ZCCHC7: variants seen among roughly 807,000 people sequenced by gnomAD.
The protein encoded by ZCCHC7 is zinc finger CCHC-type containing 7.
In ZCCHC7, 35 loss-of-function variants were observed where a neutral mutation model predicts 52.0. The observed-to-expected ratio is 0.67, with a 90% confidence interval of 0.51 to 0.89. ZCCHC7 has a LOEUF of 0.89. ZCCHC7 is among the 40% of genes least tolerant of loss of function. The pLI is 0.00. For synonymous variants in ZCCHC7, 217 were observed against 221.5 expected (o/e 0.98, Z 0.18); for missense variants, 574 against 649.1 (o/e 0.88, Z 1.26).
At chr9:37,174,518 T>C (rs1821911326) in intron 2 of ZCCHC7, among the ~76,000 whole-genome samples, 1 of 152,180 alleles carries the variant, frequency 6.6e-6, no homozygotes, top group African/African-American at 2.4e-5. Context: ...TTTCATTAAG[T>C]AGAAAAGCAG....
chr9:37,181,227 A>G (rs1281068785), intron 2 of ZCCHC7, among the ~76,000 whole-genome samples: 1 of 150,848 alleles, frequency 6.6e-6, no homozygotes, highest in Non-Finnish European at 1.5e-5. Flanking sequence ...GGTAGATGAG[A>G]TTTTTTTTTC....
In ZCCHC7 at chr9:37,168,342, A is replaced by G. The variant is rs550972101; in HGVS notation, c.610+41400A>G. Among the ~76,000 whole-genome samples the G allele has an allele frequency of 1.2e-4, 19 of 152,250 alleles. 1 individual carries two copies. The South Asian group carries it at 3.3e-3, about 27-fold the overall frequency. ...TCCCTGTTAATTTATCTGAGTTGGA[A>G]GTGGAAGTCTGCTACTCACTCTTGA... On this transcript the variant is annotated intron_variant, in intron 2 of 8. Transcript: ENST00000336755.
intron 5 of ZCCHC7, among the ~76,000 whole-genome samples, chr9:37,309,573 T>C (rs1023507330): frequency 6.6e-6 from 1 of 152,216 alleles, no homozygotes; most frequent in Non-Finnish European, 1.5e-5. Flanking sequence ...TCCCACCTAC[T>C]GGACTTTCTG....
intron 2 of ZCCHC7, among the ~76,000 whole-genome samples, chr9:37,130,741 C>T (rs1284915325): frequency 1.3e-5 from 2 of 151,712 alleles, no homozygotes; most frequent in Non-Finnish European, 2.9e-5. Flanking sequence ...CGTGATCCGC[C>T]TGCCTCGGCC....
chr9:37,262,416 T>C (rs1299815321), intron 2 of ZCCHC7, among the ~76,000 whole-genome samples: 2 of 152,212 alleles, frequency 1.3e-5, no homozygotes, highest in Non-Finnish European at 2.9e-5. Context: ...ATCAATAATT[T>C]TTCTTACTAG....
At chr9:37,174,970 C>A (rs1471385173) in intron 2 of ZCCHC7, among the ~76,000 whole-genome samples, 1 of 152,004 alleles carries the variant, frequency 6.6e-6, no homozygotes, top group African/African-American at 2.4e-5. Context: ...AACCCTGTCT[C>A]TACTAAAAAT....
chr9:37,136,766 C>T (rs1225482435), intron 2 of ZCCHC7, among the ~76,000 whole-genome samples: 5 of 152,034 alleles, frequency 3.3e-5, no homozygotes, highest in East Asian at 1.9e-4. Context: ...TGTGAGTCAC[C>T]GCCCTGGCCC....
rs869266535 is a variant in ZCCHC7, at chr9:37,352,511, C to CTTTTTTTTTTTTTTTTTTTTT, written c.1084-2195_1084-2175dup. On this transcript the variant is annotated intron_variant, in intron 7 of 8. Transcript: ENST00000336755. ...TACCTTTGCATAATCACAATTTGCT[C>CTTTTTTTTTTTTTTTTTTTTT]TTTTTTTTTTTTTTTTTTTTTTTTG... 4.5e-4 allele frequency among the ~76,000 whole-genome samples: 37 copies of CTTTTTTTTTTTTTTTTTTTTT among 81,576 alleles called. 3 individuals carry two copies. The highest frequency in any genetic ancestry group is 2.6e-3 in the South Asian group (5 of 1,950). 53.5% of individuals were successfully genotyped at this position (81,576 alleles called of 152,430 possible).
intron 5 of ZCCHC7, among the ~76,000 whole-genome samples, chr9:37,313,849 C>G (rs1829699649): frequency 6.6e-6 from 1 of 152,220 alleles, no homozygotes; most frequent in South Asian, 2.1e-4. Flanking sequence ...GAACTTGAGT[C>G]AGTTAAACCT....
rs575866084 is a variant in ZCCHC7, at chr9:37,133,736, G to A, written c.610+6794G>A. On this transcript the variant is annotated intron_variant, in intron 2 of 8. Transcript: ENST00000336755. ...TCCGAGTAGCTGGGATTACAGGCAC[G>A]AGCCACCACGCCCAGCTAATTTTTG... 3.9e-5 allele frequency among the ~76,000 whole-genome samples: 6 copies of A among 152,142 alleles called. No homozygotes were observed. In the South Asian group the frequency reaches 8.3e-4, roughly 21 times the overall value.
Position 37,356,889 on chromosome 9 carries a change from C to T in ZCCHC7, c.1253C>T (p.Ala418Val), listed in dbSNP as rs1821733808. The change falls in exon 9 of 9, where the codon GCA (alanine) becomes GTA (valine). Residue 418 changes from alanine (A) to valine (V), a missense_variant. Physicochemically the swap from Ala to Val is moderately conservative, Grantham distance 64. Transcript: ENST00000336755. ...PEPSKLPYIK[A>V]ANENPHHDIR... is the part of the protein sequence containing the mutation. ...CCATCCAAGCTACCTTATATAAAAG[C>T]AGCAAATGAGAACCCCCACCATGAT... 1.2e-6 allele frequency: 2 copies of T among 1,611,954 alleles called. No individual in the cohort carries two copies. Among genetic ancestry groups the T allele is most frequent in the Non-Finnish European group, 1.7e-6 (2 of 1,179,562 alleles).
intron 1 of ZCCHC7, among the ~76,000 whole-genome samples, chr9:37,124,907 A>C (rs115217861): frequency 3.4e-3 from 520 of 152,278 alleles, no homozygotes; most frequent in African/African-American, 0.012. Flanking sequence ...GGTGAAGTGC[A>C]GTGGCATGAT....
chr9:37,305,686 G>A lies in ZCCHC7; in HGVS notation c.923G>A (p.Arg308Gln). 1.9e-6 allele frequency: 3 copies of A among 1,614,036 alleles called. No individual in the cohort carries two copies. The highest frequency in any genetic ancestry group is 1.3e-5 in the African/African-American group (1 of 74,998). The change falls in exon 5 of 9, where the codon CGA becomes CAA. Residue 308 changes from arginine to glutamine, a missense_variant. Physicochemically the swap from Arg to Gln is conservative, Grantham distance 43. Coordinates refer to ENST00000336755, the MANE Select transcript of ZCCHC7 (RefSeq NM_032226.3). ...FRHSWDKQCD[R>Q]CHMLGHYTDA... ...CATTCCTGGGATAAACAGTGTGACC[G>A]ATGTCATATGCTAGGCCACTATACA...
chr9:37,349,259 C>A, intron 6 of ZCCHC7, 98 bp from the exon 7 acceptor site: 2 of 1,218,606 alleles, frequency 1.6e-6, no homozygotes, highest in Non-Finnish European at 2.3e-6. Context: ...CTCTAAGAAA[C>A]TTCTAAGGAA....
rs1311199101 is a variant in ZCCHC7 at position 37,305,532 on chromosome 9, T to C, written c.781-12T>C. On this transcript the variant is annotated splice_polypyrimidine_tract_variant and intron_variant, in intron 4 of 8. Transcript: ENST00000336755. ...GAGACTGAAGAGATTTTATGTTTTT[T>C]TCGCCACATAGAAAGTTCGTCGCTG... 1.1e-5 allele frequency: 17 copies of C among 1,612,644 alleles called. No individual in the cohort carries two copies. The highest frequency in any genetic ancestry group is 1.4e-5 in the Non-Finnish European group (17 of 1,179,642).
At chr9:37,249,456 C>CTTTTTTTTTTTTTTTTTTTTTTT (rs60166399) in intron 2 of ZCCHC7, among the ~76,000 whole-genome samples, 14 of 111,244 alleles carry the variant, frequency 1.3e-4, no homozygotes, top group Non-Finnish European at 2.1e-4. Flanking sequence ...CTTCTTCTTC[C>CTTTTTTTTTTTTTTTTTTTTTTT]TTTTTTTTTT....
chr9:37,137,897 A>AT (rs1843065271), intron 2 of ZCCHC7, among the ~76,000 whole-genome samples: 1 of 152,188 alleles, frequency 6.6e-6, no homozygotes. Context: ...TTCTTGAGAC[A>AT]TTTTATACCC....
At chr9:37,157,979 A>G (rs1455778426) in intron 2 of ZCCHC7, among the ~76,000 whole-genome samples, 1 of 152,198 alleles carries the variant, frequency 6.6e-6, no homozygotes, top group Non-Finnish European at 1.5e-5. Context: ...TCTTGAGGAG[A>G]TATTTGCACT....
At chr9:37,139,659 A>G (rs1194297849) in intron 2 of ZCCHC7, among the ~76,000 whole-genome samples, 1 of 152,010 alleles carries the variant, frequency 6.6e-6, no homozygotes, top group Non-Finnish European at 1.5e-5. Context: ...ACACGTTTTA[A>G]GGGAAGACAG....
Sources: gnomAD v4.1 joint callset for allele counts (sites outside exome capture counted in the v4.1 genomes callset) on GRCh38, gnomAD v4.1.1 for gene constraint, MANE v1.5 for transcripts, NCBI Gene and HGNC (gene_info 2026-07-23, HGNC 2026-07-21) for gene names.